The following SGCD variants were observed in gnomAD, a reference collection of about 807,000 sequenced individuals.
SGCD encodes sarcoglycan delta, also known as delta-sarcoglycan.
A neutral mutation model predicts 36.6 loss-of-function variants in SGCD; 18 were observed. The observed-to-expected ratio is 0.49, with a 90% CI of 0.34 to 0.73. The LOEUF is 0.73. Ranked by LOEUF, SGCD falls within the 30% of genes least tolerant of loss-of-function variation. The pLI is 0.01. For missense variants in SGCD, 387 were observed against 346.7 expected (o/e 1.12, Z -0.92); for synonymous variants, 133 against 130.6 (o/e 1.02, Z -0.12).
At chr5:156,735,989 G>T (rs560716141) in intron 7 of SGCD, among the ~76,000 whole-genome samples, 1 of 152,278 alleles carries the variant, frequency 6.6e-6, no homozygotes, top group East Asian at 1.9e-4. Flanking sequence ...AGATCCATGG[G>T]AGAAGAGTTT....
At chr5:155,728,192 G>T in the SGCD span, among the ~76,000 whole-genome samples, 9 of 152,020 alleles carry the variant, frequency 5.9e-5, no homozygotes, top group Non-Finnish European at 1.2e-4. Flanking sequence ...CCCGCGGCTC[G>T]CCCTCGCTCC....
chr5:156,675,453 A>G (rs1157799014), intron 7 of SGCD, among the ~76,000 whole-genome samples: 1 of 152,234 alleles, frequency 6.6e-6, no homozygotes, highest in Non-Finnish European at 1.5e-5. Flanking sequence ...GTACCAGTCC[A>G]GATAATCAGG....
intron 1 of SGCD, among the ~76,000 whole-genome samples, chr5:156,092,200 C>T (rs1177918296): frequency 6.6e-6 from 1 of 152,162 alleles, no homozygotes; most frequent in Non-Finnish European, 1.5e-5. Context: ...TAGCAGAAGC[C>T]AGCTATTTCT....
intron 3 of SGCD, among the ~76,000 whole-genome samples, chr5:156,404,433 A>T (rs1772308607): frequency 6.6e-6 from 1 of 152,212 alleles, no homozygotes; most frequent in Non-Finnish European, 1.5e-5. Flanking sequence ...GTCTTGATTA[A>T]CATTTTAATC....
chr5:156,754,915 T>C (rs1467821451), intron 7 of SGCD, among the ~76,000 whole-genome samples: 1 of 152,336 alleles, frequency 6.6e-6, no homozygotes, highest in South Asian at 2.1e-4. Context: ...GTAGAACATA[T>C]TCTACAAGTT....
At chr5:155,899,406 T>C (rs1756338379) in intron 1 of SGCD, among the ~76,000 whole-genome samples, 1 of 152,208 alleles carries the variant, frequency 6.6e-6, no homozygotes, top group African/African-American at 2.4e-5. Flanking sequence ...TTTGAGAAAT[T>C]TCACTAACAT....
intron 7 of SGCD, among the ~76,000 whole-genome samples, chr5:156,670,070 C>T (rs1379468127): frequency 1.3e-5 from 2 of 152,126 alleles, no homozygotes; most frequent in Admixed American, 6.5e-5. Context: ...ACATCATTCT[C>T]ATCATTCCCA....
the SGCD span, among the ~76,000 whole-genome samples, chr5:155,796,742 G>T: frequency 5.5e-5 from 8 of 145,016 alleles, no homozygotes; most frequent in Admixed American, 3.5e-4. Flanking sequence ...GGAGGTGGAG[G>T]TTGTGGTGAG....
intron 7 of SGCD, among the ~76,000 whole-genome samples, chr5:156,666,729 A>C (rs1442884100): frequency 2.0e-5 from 3 of 150,888 alleles, no homozygotes; most frequent in Non-Finnish European, 1.5e-5. Flanking sequence ...GACACAGCAC[A>C]CGTTTCAGAG....
chr5:155,743,172 C>A, the SGCD span, among the ~76,000 whole-genome samples: 1 of 147,880 alleles, frequency 6.8e-6, no homozygotes, highest in Non-Finnish European at 1.5e-5. Flanking sequence ...CCTCTCTCAT[C>A]TCCTTTCCAT....
chr5:156,673,229 A>G (rs1753374051), intron 7 of SGCD, among the ~76,000 whole-genome samples: 2 of 152,252 alleles, frequency 1.3e-5, no homozygotes, highest in African/African-American at 4.8e-5. Context: ...AGTTATGCCT[A>G]AGCACATATT....
chr5:155,869,076 G>C (rs1755580552), upstream of SGCD, among the ~76,000 whole-genome samples: 1 of 152,142 alleles, frequency 6.6e-6, no homozygotes. Context: ...GGTTGGAGGA[G>C]GCTTCAGATG....
At chr5:156,221,835 A>G (rs1424444247) in intron 3 of SGCD, among the ~76,000 whole-genome samples, 1 of 152,192 alleles carries the variant, frequency 6.6e-6, no homozygotes, top group East Asian at 1.9e-4. Context: ...AGTATTATTC[A>G]TACATGAAAA....
rs1206042576 is a variant in SGCD at position 156,068,834 on chromosome 5, A to T, written c.-281-49044A>T. On this transcript the variant is annotated intron_variant, in intron 1 of 9. Coordinates refer to the SGCD transcript ENST00000517913. ...GCCATTCTAACTGGTGTGAGATGGT[A>T]TCTCATTGTGGTTTTGATTTGCATT... Among the ~76,000 whole-genome samples, 40 of 151,932 alleles carry T rather than the reference A, an allele frequency of 2.6e-4. 1 individual carries two copies. Among genetic ancestry groups the T allele is most frequent in the African/African-American group, 9.5e-4 (39 of 41,250 alleles).
chr5:155,734,976 T>C, the SGCD span, among the ~76,000 whole-genome samples: 2 of 152,238 alleles, frequency 1.3e-5, no homozygotes, highest in African/African-American at 4.8e-5. Flanking sequence ...TCAGTCTATA[T>C]ATAAGCTTCT....
chr5:156,040,469 T>C (rs1239752116), intron 1 of SGCD, among the ~76,000 whole-genome samples: 1 of 152,204 alleles, frequency 6.6e-6, no homozygotes, highest in Non-Finnish European at 1.5e-5. Context: ...AAAAATACCA[T>C]TGTGGAGTAC....
At chr5:156,696,586 A>G (rs929307189) in intron 7 of SGCD, among the ~76,000 whole-genome samples, 3 of 152,084 alleles carry the variant, frequency 2.0e-5, no homozygotes, top group Non-Finnish European at 2.9e-5. Context: ...CTTGGCTCAC[A>G]GCAGAGGTTG....
At chr5:155,894,093 G>A (rs917619128) in intron 1 of SGCD, among the ~76,000 whole-genome samples, 1 of 152,200 alleles carries the variant, frequency 6.6e-6, no homozygotes, top group Non-Finnish European at 1.5e-5. Flanking sequence ...AGTGGTGAGT[G>A]AATGTGAAGA....
chr5:156,162,818 G>A (rs1327116261), intron 3 of SGCD, among the ~76,000 whole-genome samples: 6 of 151,682 alleles, frequency 4.0e-5, no homozygotes, highest in Non-Finnish European at 8.8e-5. Context: ...TGAATTACAT[G>A]TAGGGTATGA....
Sources: allele counts gnomAD v4.1 joint callset (sites outside exome capture counted in the v4.1 genomes callset), GRCh38; gene constraint gnomAD v4.1.1; transcripts MANE v1.5; gene names NCBI Gene and HGNC (gene_info 2026-07-23, HGNC 2026-07-21).